The following NEGR1 variants were observed in gnomAD, a reference collection of about 807,000 sequenced individuals.
NEGR1 encodes the protein IgLON family member 4.
NEGR1 carries 10 observed loss-of-function variants against 40.9 expected under a neutral mutation model. The ratio of observed to expected loss-of-function variants is 0.24; its 90% CI spans 0.15 to 0.42. The LOEUF is 0.42. Among genes scored for constraint, NEGR1 ranks in the 10% least tolerant of loss-of-function variants. The probability of loss-of-function intolerance (pLI) is 1.00; values close to 1 mark genes in which losing one functional copy is unlikely to be tolerated. For missense variants in NEGR1, 352 were observed against 438.9 expected, an observed-to-expected ratio of 0.80 and a Z score of 1.77; for synonymous variants, 185 against 166.8, an observed-to-expected ratio of 1.11 and a Z score of -0.84.
At chr1:72,251,863 G>C (rs1030525223) in intron 1 of NEGR1, among the ~76,000 whole-genome samples, 1 of 151,702 alleles carries the variant, frequency 6.6e-6, no homozygotes, top group Non-Finnish European at 1.5e-5. Context: ...TGTTCTACAG[G>C]GCACATTTTG....
intron 6 of NEGR1, among the ~76,000 whole-genome samples, chr1:71,453,554 C>T (rs570565839): frequency 4.7e-4 from 71 of 152,128 alleles, no homozygotes; most frequent in Non-Finnish European, 6.9e-4. Context: ...TATGCCAAGA[C>T]GGGCGAGAAA....
chr1:71,537,568 T>G (rs1647550168), intron 6 of NEGR1, among the ~76,000 whole-genome samples: 1 of 151,714 alleles, frequency 6.6e-6, no homozygotes, highest in African/African-American at 2.4e-5. Context: ...CACACAATTT[T>G]CCAATCTTGT....
At chr1:72,016,651 A>G (rs942637447) in intron 1 of NEGR1, among the ~76,000 whole-genome samples, 1 of 152,206 alleles carries the variant, frequency 6.6e-6, no homozygotes, top group African/African-American at 2.4e-5. Context: ...CAAACTTGGA[A>G]GACTAAAAGA....
chr1:72,003,679 T>C (rs1410691194), intron 1 of NEGR1, among the ~76,000 whole-genome samples: 1 of 152,100 alleles, frequency 6.6e-6, no homozygotes, highest in Non-Finnish European at 1.5e-5. Context: ...GTTGAGCTTA[T>C]GTAAATAAGC....
At chr1:71,771,686 C>A (rs1570324328) in intron 3 of NEGR1, among the ~76,000 whole-genome samples, 1 of 29,162 alleles carries the variant, frequency 3.4e-5, no homozygotes. Flanking sequence ...GTAACAAAAG[C>A]AAGACTTAGT....
intron 5 of NEGR1, among the ~76,000 whole-genome samples, chr1:71,598,561 C>T (rs1329958723): frequency 1.3e-5 from 2 of 152,108 alleles, no homozygotes; most frequent in Non-Finnish European, 2.9e-5. Flanking sequence ...TAGGTTCTCT[C>T]CTCCTTCCCT....
At chr1:71,921,275 T>C (rs1164801918) in intron 2 of NEGR1, among the ~76,000 whole-genome samples, 1 of 152,238 alleles carries the variant, frequency 6.6e-6, no homozygotes, top group Non-Finnish European at 1.5e-5. Flanking sequence ...CTTTTGCGAA[T>C]ATTTACAACT....
intron 3 of NEGR1, among the ~76,000 whole-genome samples, chr1:71,723,908 A>G (rs1654589907): frequency 6.6e-6 from 1 of 152,102 alleles, no homozygotes; most frequent in Admixed American, 6.6e-5. Flanking sequence ...GAATTGAATT[A>G]AATCCTTGGA....
chr1:71,851,224 G>A (rs1659589373), intron 2 of NEGR1, among the ~76,000 whole-genome samples: 1 of 152,088 alleles, frequency 6.6e-6, no homozygotes, highest in Admixed American at 6.6e-5. Context: ...TGGTTTTCAT[G>A]TTGATATTAC....
At chr1:72,136,452 C>T (rs1286603622) in intron 1 of NEGR1, among the ~76,000 whole-genome samples, 3 of 151,554 alleles carry the variant, frequency 2.0e-5, no homozygotes, top group East Asian at 1.9e-4. Context: ...TATAAATGAG[C>T]TTGGGAACAA....
At chr1:71,844,387 A>C (rs1206111866) in intron 2 of NEGR1, among the ~76,000 whole-genome samples, 1 of 152,188 alleles carries the variant, frequency 6.6e-6, no homozygotes, top group Non-Finnish European at 1.5e-5. Context: ...AGAGAGGGTC[A>C]TAATACTGAA....
chr1:71,948,950 C>T (rs188029821), intron 1 of NEGR1, among the ~76,000 whole-genome samples: 1 of 152,132 alleles, frequency 6.6e-6, no homozygotes, highest in Non-Finnish European at 1.5e-5. Flanking sequence ...TTGAGTCACT[C>T]TAAAAAGTTA....
Position 72,121,982 on chromosome 1 carries a change from C to T in NEGR1, c.176+160337G>A, listed in dbSNP as rs182800593. Reference sequence around the variant, plus strand: ...AACTTTATAATATTTTATGTAAATACTGTTTACCCAGATACCAAACTAAAT... The same window carrying T: ...AACTTTATAATATTTTATGTAAATATTGTTTACCCAGATACCAAACTAAAT... On this transcript the variant is annotated intron_variant, in intron 1 of 6. Transcript: ENST00000357731. 2.6e-5 allele frequency among the ~76,000 whole-genome samples: 4 copies of T among 151,960 alleles called. No homozygotes were observed. In the East Asian group the frequency reaches 7.7e-4, roughly 29 times the overall value.
At chr1:72,250,447 T>C (rs1442488667) in intron 1 of NEGR1, among the ~76,000 whole-genome samples, 1 of 152,162 alleles carries the variant, frequency 6.6e-6, no homozygotes, top group Non-Finnish European at 1.5e-5. Flanking sequence ...AATGACTGTT[T>C]GTAAATGCAG....
intron 1 of NEGR1, among the ~76,000 whole-genome samples, chr1:72,170,174 G>T (rs1053210968): frequency 6.6e-6 from 1 of 152,178 alleles, no homozygotes; most frequent in Middle Eastern, 3.4e-3. Context: ...GCTCATACCT[G>T]CACTCAAATA....
intron 4 of NEGR1, among the ~76,000 whole-genome samples, chr1:71,645,587 A>G (rs1394323318): frequency 6.6e-6 from 1 of 151,888 alleles, no homozygotes; most frequent in Non-Finnish European, 1.5e-5. Flanking sequence ...GAAATAAGTC[A>G]TTACCTTAGG....
intron 2 of NEGR1, among the ~76,000 whole-genome samples, chr1:71,896,265 T>A (rs1308895628): frequency 6.6e-6 from 1 of 152,128 alleles, no homozygotes; most frequent in Non-Finnish European, 1.5e-5. Context: ...CTTGAACTCC[T>A]GGCTTCAAGT....
chr1:71,849,423 C>T (rs1185766837), intron 2 of NEGR1, among the ~76,000 whole-genome samples: 1 of 152,074 alleles, frequency 6.6e-6, no homozygotes, highest in Non-Finnish European at 1.5e-5. Context: ...TCATGATAAA[C>T]TTGAAAGATG....
chr1:72,218,592 T>C (rs190298547), intron 1 of NEGR1, among the ~76,000 whole-genome samples: 1 of 152,100 alleles, frequency 6.6e-6, no homozygotes, highest in East Asian at 1.9e-4. Context: ...AATGAATATA[T>C]GTTTCTTGAG....
Sources: allele counts gnomAD v4.1 joint callset (sites outside exome capture counted in the v4.1 genomes callset), GRCh38; gene constraint gnomAD v4.1.1; transcripts MANE v1.5; gene names NCBI Gene and HGNC (gene_info 2026-07-23, HGNC 2026-07-21).